CASQ2: variants seen among roughly 807,000 people sequenced by gnomAD.
CASQ2 encodes calsequestrin-2.
Under a neutral mutation model 46.5 loss-of-function variants are expected in CASQ2, and 49 were observed. The observed-to-expected ratio is 1.05, with a 90% CI of 0.84 to 1.34. The LOEUF (loss-of-function observed/expected upper bound fraction) is 1.34. Among genes scored for constraint, CASQ2 ranks in the 40% most tolerant of loss-of-function variants. The pLI is 0.00. For missense variants in CASQ2, 486 were observed against 481.3 expected, an observed-to-expected ratio of 1.01 and a Z score of -0.09; for synonymous variants, 174 against 168.5, an observed-to-expected ratio of 1.03 and a Z score of -0.25.
At chr1:115,726,424 G>A (rs1401172061) in intron 6 of CASQ2, among the ~76,000 whole-genome samples, 1 of 152,186 alleles carries the variant, frequency 6.6e-6, no homozygotes, top group South Asian at 2.1e-4. Flanking sequence ...TGCTACAGAC[G>A]CCATCTGGCC....
At chr1:115,740,195 G>A (rs918393184) in intron 3 of CASQ2, among the ~76,000 whole-genome samples, 2 of 152,188 alleles carry the variant, frequency 1.3e-5, no homozygotes, top group Non-Finnish European at 2.9e-5. Context: ...TTTATCTATG[G>A]ATGAAATATT....
At chr1:115,753,020 G>T (rs1253737681) in intron 1 of CASQ2, among the ~76,000 whole-genome samples, 1 of 152,192 alleles carries the variant, frequency 6.6e-6, no homozygotes, top group Non-Finnish European at 1.5e-5. Context: ...GAGGGAGGAG[G>T]CAAAATAGTT....
chr1:115,705,533 C>G (rs1360663486), intron 8 of CASQ2, among the ~76,000 whole-genome samples: 1 of 152,220 alleles, frequency 6.6e-6, no homozygotes, highest in Non-Finnish European at 1.5e-5. Context: ...TGGTTTTTCA[C>G]TGGAAGCCAA....
chr1:115,746,529 G>A (rs1382721996), intron 1 of CASQ2, among the ~76,000 whole-genome samples: 2 of 152,086 alleles, frequency 1.3e-5, no homozygotes, highest in Admixed American at 6.5e-5. Context: ...TCATTTTGAC[G>A]GGTATGTAGT....
intron 8 of CASQ2, among the ~76,000 whole-genome samples, chr1:115,710,847 G>A (rs958307347): frequency 1.3e-5 from 2 of 152,218 alleles, no homozygotes; most frequent in East Asian, 1.9e-4. Context: ...TGAACCAGGA[G>A]GTTTCCCACG....
At position 115,701,362 on chromosome 1, in the gene CASQ2, T is replaced by C; in HGVS notation, c.1079A>G (p.Asp360Gly). 1 of 1,613,892 alleles carries C rather than the reference T, an allele frequency of 6.2e-7. No homozygotes were observed. The highest frequency in any genetic ancestry group is 1.3e-5 in the African/African-American group (1 of 75,012). Reference protein sequence around the residue: ...DDLPTAEELEDWIEDVLSGKI... With the variant: ...DDLPTAEELEGWIEDVLSGKI... ...TCCAGAAAGCACATCCTCAATCCAG[T>C]CCTCCAGCTCCTCAGCAGTTGGAAG... Residue 360 changes from aspartate to glycine, a missense_variant, in exon 11 of 11, where the codon GAC (aspartate) becomes GGC (glycine). By Grantham distance (94) the Asp-to-Gly change is moderately conservative (BLOSUM62 -1). Transcript: ENST00000261448.
At chr1:115,744,742 T>A in intron 2 of CASQ2, 86 bp downstream of exon 2, 1 of 855,814 alleles carries the variant, frequency 1.2e-6, no homozygotes, top group Admixed American at 1.8e-5. Flanking sequence ...AGTCCGCTTA[T>A]GCAAGAATAA....
At chr1:115,767,733 C>A (rs1453449065) in intron 1 of CASQ2, among the ~76,000 whole-genome samples, 2 of 152,218 alleles carry the variant, frequency 1.3e-5, no homozygotes, top group East Asian at 3.9e-4. Context: ...CAAGAACTTT[C>A]TGAGAAAAAA....
At chr1:115,704,991 A>G (rs1039062467) in intron 9 of CASQ2, among the ~76,000 whole-genome samples, 2 of 152,180 alleles carry the variant, frequency 1.3e-5, no homozygotes, top group Non-Finnish European at 2.9e-5. Flanking sequence ...CCTGGACTCC[A>G]GGGAGTAAGC....
chr1:115,716,819 CTTG>C (rs1202508461), intron 8 of CASQ2, among the ~76,000 whole-genome samples: 2 of 152,190 alleles, frequency 1.3e-5, no homozygotes, highest in East Asian at 3.8e-4. Flanking sequence ...TGTCACAAGA[CTTG>C]TTGTCCCTTC....
chr1:115,739,124 C>CTTTTTTTTTTCTTTTTTTT (rs1299140156), intron 3 of CASQ2, among the ~76,000 whole-genome samples: 1 of 99,522 alleles, frequency 1.0e-5, no homozygotes, highest in Non-Finnish European at 2.2e-5. Flanking sequence ...TCTTTTCTTT[C>CTTTTTTTTTTCTTTTTTTT]TTTTTGAGAT....
At chr1:115,712,487 G>A (rs903294905) in intron 8 of CASQ2, among the ~76,000 whole-genome samples, 1 of 152,160 alleles carries the variant, frequency 6.6e-6, no homozygotes, top group African/African-American at 2.4e-5. Flanking sequence ...CATGTGAGCT[G>A]GGGACATTAT....
At chr1:115,739,397 G>T (rs943925896) in intron 3 of CASQ2, among the ~76,000 whole-genome samples, 1 of 152,018 alleles carries the variant, frequency 6.6e-6, no homozygotes. Flanking sequence ...TTACAGGCAT[G>T]AGCCACCACG....
chr1:115,761,476 A>AAGAAGAAGG (rs1648949384), intron 1 of CASQ2, among the ~76,000 whole-genome samples: 3 of 10,200 alleles, frequency 2.9e-4, no homozygotes, highest in Non-Finnish European at 6.6e-4. Flanking sequence ...GAAGAAGAAG[A>AAGAAGAAGG]AGAAGAAGAA....
chr1:115,701,155 G>A lies in CASQ2; in HGVS notation c.*86C>T. The A allele has an allele frequency of 6.2e-7, 1 of 1,607,898 alleles. No individual in the cohort carries two copies. The highest frequency in any genetic ancestry group is 8.5e-7 in the Non-Finnish European group (1 of 1,176,086). On this transcript the variant is annotated 3_prime_UTR_variant, in exon 11 of 11. Transcript: ENST00000261448. ...AGGGAAAGGAGCTGGCTGGGTGTGG[G>A]GCAGAATTGCTTGCTGCCACCTTGT... is the stretch of plus-strand genomic sequence containing the variant.
At chr1:115,722,079 G>A (rs1005559345) in intron 7 of CASQ2, among the ~76,000 whole-genome samples, 36 of 152,166 alleles carry the variant, frequency 2.4e-4, no homozygotes, top group African/African-American at 8.0e-4. Flanking sequence ...AAACAAAGAT[G>A]ACACTGGAGA....
At chr1:115,749,497 A>G (rs540934691) in intron 1 of CASQ2, among the ~76,000 whole-genome samples, 2 of 152,342 alleles carry the variant, frequency 1.3e-5, no homozygotes, top group African/African-American at 4.8e-5. Flanking sequence ...CACATGGGCC[A>G]GGATCCCATG....
At chr1:115,768,144 T>A (rs566083598) in intron 1 of CASQ2, among the ~76,000 whole-genome samples, 164 bp downstream of exon 1, 3 of 152,230 alleles carry the variant, frequency 2.0e-5, no homozygotes, top group African/African-American at 7.2e-5. Flanking sequence ...TGTTCACACA[T>A]CCCAGCTGTG....
chr1:115,703,111 G>T (rs1429874397), intron 9 of CASQ2, 116 bp from the exon 10 acceptor site: 3 of 781,176 alleles, frequency 3.8e-6, no homozygotes, highest in Non-Finnish European at 2.2e-6. Context: ...CTTCAAAACA[G>T]CTGTGAGCAC....
Sources: allele counts gnomAD v4.1 joint callset (sites outside exome capture counted in the v4.1 genomes callset), GRCh38; gene constraint gnomAD v4.1.1; transcripts MANE v1.5; gene names NCBI Gene and HGNC (gene_info 2026-07-23, HGNC 2026-07-21).